The following RBFOX1 variants were observed in gnomAD, a reference collection of about 807,000 sequenced individuals.
RBFOX1 encodes the protein RNA binding protein fox-1 homolog 1.
In RBFOX1, 8 loss-of-function variants were observed where a neutral mutation model predicts 57.7. That is an observed-to-expected ratio of 0.14 (90% CI 0.08 to 0.25). The LOEUF (loss-of-function observed/expected upper bound fraction) is 0.25, where lower values mean the gene tolerates loss of function less well. Ranked by LOEUF, RBFOX1 falls within the 10% of genes least tolerant of loss-of-function variation. The probability of loss-of-function intolerance (pLI) is 1.00; values close to 1 mark genes in which losing one functional copy is unlikely to be tolerated. For missense variants in RBFOX1, 611 were observed against 548.5 expected, an observed-to-expected ratio of 1.11 and a Z score of -1.14; for synonymous variants, 326 against 222.4, an observed-to-expected ratio of 1.47 and a Z score of -4.15.
In RBFOX1 at chr16:6,706,127, G is replaced by A. The variant is rs1228568231; in HGVS notation, c.-16+51477G>A. On this transcript the variant is annotated intron_variant, in intron 3 of 15. Coordinates refer to ENST00000550418, the MANE Select transcript of RBFOX1 (RefSeq NM_018723.4). ...AGCCCCAGTGGCTGGCTTTGTACAGGCATTGTAATCTTTGTTGTGTCAGGG... is the reference window on the plus strand; with the variant it reads ...AGCCCCAGTGGCTGGCTTTGTACAGACATTGTAATCTTTGTTGTGTCAGGG... Among the ~76,000 whole-genome samples the A allele has an allele frequency of 5.9e-5, 9 of 152,252 alleles. No homozygotes were observed. The East Asian group carries it at 1.5e-3, about 26-fold the overall frequency.
At chr16:5,567,112 G>C (rs1276839974) in intron 2 of RBFOX1, among the ~76,000 whole-genome samples, 1 of 152,184 alleles carries the variant, frequency 6.6e-6, no homozygotes, top group African/African-American at 2.4e-5. Context: ...ATGAATTGGA[G>C]ATGTTGAAAC....
Position 6,957,397 on chromosome 16 carries a change from C to T in RBFOX1, c.-15-94660C>T, listed in dbSNP as rs556877978. ...CTGCCTCCCAATGTGCTGCGACTCA[C>T]GCTCAGCCGGTTATTTCTTCATGAT... On this transcript the variant is annotated intron_variant, in intron 3 of 15. Transcript: ENST00000550418. Among the ~76,000 whole-genome samples, 8 of 152,118 alleles carry T rather than the reference C, an allele frequency of 5.3e-5. No homozygotes were observed. In the South Asian group the frequency reaches 6.2e-4, roughly 12 times the overall value.
intron 1 of RBFOX1, among the ~76,000 whole-genome samples, chr16:6,269,270 T>G (rs937296910): frequency 6.6e-6 from 1 of 152,222 alleles, no homozygotes; most frequent in South Asian, 2.1e-4. Flanking sequence ...TGTATTATTT[T>G]TATTGTATTG....
intron 4 of RBFOX1, among the ~76,000 whole-genome samples, chr16:7,499,365 C>G (rs572217180): frequency 6.6e-6 from 1 of 152,286 alleles, no homozygotes; most frequent in African/African-American, 2.4e-5. Flanking sequence ...ACCCTGCTCG[C>G]TACTCAGGCA....
At chr16:6,162,802 C>A (rs1182747467) in intron 1 of RBFOX1, among the ~76,000 whole-genome samples, 1 of 152,100 alleles carries the variant, frequency 6.6e-6, no homozygotes, top group Admixed American at 6.6e-5. Context: ...GACATGATCT[C>A]GGCTCACTGC....
intron 1 of RBFOX1, among the ~76,000 whole-genome samples, chr16:6,131,932 G>A (rs532056061): frequency 6.6e-5 from 10 of 152,278 alleles, no homozygotes; most frequent in South Asian, 4.1e-4. Context: ...CACGTCTGGC[G>A]GATAATGACA....
chr16:6,985,763 G>C (rs1443183942), intron 3 of RBFOX1, among the ~76,000 whole-genome samples: 5 of 147,018 alleles, frequency 3.4e-5, no homozygotes, highest in Non-Finnish European at 7.4e-5. Context: ...GAACCCAGGA[G>C]GCAGAGGTTG....
chr16:7,275,700 G>A (rs890589990), intron 4 of RBFOX1, among the ~76,000 whole-genome samples: 1 of 152,184 alleles, frequency 6.6e-6, no homozygotes, highest in African/African-American at 2.4e-5. Flanking sequence ...CAGGATTATA[G>A]GTATGAGATT....
chr16:5,288,457 C>T lies in RBFOX1; in HGVS notation c.219+48352C>T, dbSNP rs549695508. 7.2e-5 allele frequency among the ~76,000 whole-genome samples: 11 copies of T among 152,088 alleles called. No homozygotes were observed. The South Asian group carries it at 2.1e-3, about 29-fold the overall frequency. On this transcript the variant is annotated intron_variant, in intron 1 of 2. Coordinates refer to the RBFOX1 transcript ENST00000585867. ...GTCTTCCCCAGACAGGTACTTTGCCCTTCTAAAGTGAATTACACATTGTAA... is the reference window on the plus strand; with the variant it reads ...GTCTTCCCCAGACAGGTACTTTGCCTTTCTAAAGTGAATTACACATTGTAA...
At chr16:5,836,479 C>A (rs765607058) in intron 3 of RBFOX1, among the ~76,000 whole-genome samples, 10 of 152,182 alleles carry the variant, frequency 6.6e-5, no homozygotes, top group Non-Finnish European at 1.5e-4. Flanking sequence ...TGAACAGAAC[C>A]ATGACCCACC....
intron 1 of RBFOX1, among the ~76,000 whole-genome samples, chr16:5,362,929 C>A (rs1229600798): frequency 6.6e-6 from 1 of 151,922 alleles, no homozygotes; most frequent in Non-Finnish European, 1.5e-5. Context: ...ATCCATTTAT[C>A]CATCACTGCA....
At chr16:6,944,182 G>C (rs1050664833) in intron 3 of RBFOX1, among the ~76,000 whole-genome samples, 1 of 151,924 alleles carries the variant, frequency 6.6e-6, no homozygotes, top group Non-Finnish European at 1.5e-5. Context: ...GGATTATGAG[G>C]TCAGGAGTTC....
At chr16:7,239,162 G>C (rs549188534) in intron 4 of RBFOX1, among the ~76,000 whole-genome samples, 1 of 152,086 alleles carries the variant, frequency 6.6e-6, no homozygotes, top group Non-Finnish European at 1.5e-5. Context: ...CATGCAGTTT[G>C]ATATATGATG....
chr16:6,660,049 A>C (rs2154097400), intron 3 of RBFOX1, among the ~76,000 whole-genome samples: 1 of 152,086 alleles, frequency 6.6e-6, no homozygotes, highest in East Asian at 1.9e-4. Context: ...ACATAGTGAA[A>C]CATCATCTCT....
In RBFOX1 at chr16:6,245,759, A is replaced by G. The variant is rs1376507813; in HGVS notation, c.-126-71236A>G. Among the ~76,000 whole-genome samples, 2 of 152,200 alleles carry G rather than the reference A, an allele frequency of 1.3e-5. 1 individual carries two copies. Among genetic ancestry groups the G allele is most frequent in the Admixed American group, 1.3e-4 (2 of 15,276 alleles). The stretch of plus-strand genomic sequence containing the variant: ...ACACCTGAGAATAACATCTGCAGCT[A>G]CTCAGCAGTGAAACAAGAATTTAAA... On this transcript the variant is annotated intron_variant, in intron 1 of 15. Transcript: ENST00000550418.
At chr16:6,120,581 G>A (rs963256570) in intron 1 of RBFOX1, among the ~76,000 whole-genome samples, 1 of 152,066 alleles carries the variant, frequency 6.6e-6, no homozygotes, top group Non-Finnish European at 1.5e-5. Flanking sequence ...TACCTACCCC[G>A]TGTTTGTTAT....
At chr16:6,761,489 C>G (rs73528819) in intron 3 of RBFOX1, among the ~76,000 whole-genome samples, 5,456 of 135,106 alleles carry the variant, frequency 0.04, 186 homozygotes, top group African/African-American at 0.096. Flanking sequence ...GTTTTCCTTT[C>G]TCCCAATCTC....
chr16:7,328,494 A>AAT (rs2096642512), intron 4 of RBFOX1, among the ~76,000 whole-genome samples: 1 of 151,160 alleles, frequency 6.6e-6, no homozygotes, highest in African/African-American at 2.4e-5. Context: ...AAAAAAAAAA[A>AAT]AAAAAAGAAG....
At position 7,548,457 on chromosome 16, in the gene RBFOX1, C is replaced by T. The variant is rs369579142; in HGVS notation, c.270+30068C>T. ...AGGTATGAGCCACTGCGCCTGGCCT[C>T]GTATTAGTTGTTCTTTAAACATTTA... On this transcript the variant is annotated intron_variant, in intron 5 of 15. Transcript: ENST00000550418. Among the ~76,000 whole-genome samples the T allele has an allele frequency of 2.1e-4, 32 of 152,138 alleles. 1 individual carries two copies. Among genetic ancestry groups the T allele is most frequent in the African/African-American group, 7.0e-4 (29 of 41,432 alleles).
Sources: allele counts gnomAD v4.1 joint callset (sites outside exome capture counted in the v4.1 genomes callset), GRCh38; gene constraint gnomAD v4.1.1; transcripts MANE v1.5; gene names NCBI Gene and HGNC (gene_info 2026-07-23, HGNC 2026-07-21).